The following LRRC37A variants were observed in gnomAD, a reference collection of about 807,000 sequenced individuals.
LRRC37A encodes the protein leucine rich repeat containing 37A, also known as leucine-rich repeat-containing protein 37A.
LRRC37A carries 3 observed loss-of-function variants against 35.4 expected under a neutral mutation model. The ratio of observed to expected loss-of-function variants is 0.08; its 90% CI spans 0.04 to 0.22. The LOEUF (loss-of-function observed/expected upper bound fraction) is 0.22, where lower values mean the gene tolerates loss of function less well. Among genes scored for constraint, LRRC37A ranks in the 10% least tolerant of loss-of-function variants. The pLI is 1.00. For missense variants in LRRC37A, 67 were observed against 565.3 expected (o/e 0.12, Z 8.94); for synonymous variants, 23 against 215.0 (o/e 0.11, Z 7.81).
the LRRC37A span, among the ~76,000 whole-genome samples, chr17:46,264,160 T>TC: frequency 6.6e-6 from 1 of 151,644 alleles, no homozygotes; most frequent in Non-Finnish European, 1.5e-5. Context: ...TTTTTTTTTT[T>TC]TTTGTAGAGA....
the LRRC37A span, among the ~76,000 whole-genome samples, chr17:46,268,271 G>A: frequency 6.6e-6 from 1 of 152,094 alleles, no homozygotes; most frequent in Non-Finnish European, 1.5e-5. Flanking sequence ...TGCCCGCCTC[G>A]GCCTCCCAAA....
chr17:46,259,553 G>GT, the LRRC37A span: 1 of 1,611,384 alleles, frequency 6.2e-7, no homozygotes, highest in African/African-American at 1.3e-5. Flanking sequence ...TGGAGTCACT[G>GT]TTTAACCATG....
At chr17:46,262,440 T>C in the LRRC37A span, among the ~76,000 whole-genome samples, 4 of 152,218 alleles carry the variant, frequency 2.6e-5, no homozygotes, top group African/African-American at 9.7e-5. Flanking sequence ...TTCAAACTCC[T>C]GGGCTCAAGC....
chr17:46,265,267 CTTCTT>C, the LRRC37A span, among the ~76,000 whole-genome samples: 1 of 45,034 alleles, frequency 2.2e-5, no homozygotes, highest in Non-Finnish European at 5.2e-5. Flanking sequence ...TCTTCTTCTT[CTTCTT>C]CTTCTTCTTC....
chr17:46,278,031 C>T, the LRRC37A span, among the ~76,000 whole-genome samples: 7 of 152,050 alleles, frequency 4.6e-5, no homozygotes, highest in Admixed American at 2.0e-4. Context: ...CTGCAACCTC[C>T]GCCTCCCACG....
chr17:46,282,401 C>T, the LRRC37A span, among the ~76,000 whole-genome samples: 15 of 151,700 alleles, frequency 9.9e-5, no homozygotes, highest in African/African-American at 3.6e-4. Flanking sequence ...CCGCACCTGG[C>T]CTCAGTTTTT....
the LRRC37A span, among the ~76,000 whole-genome samples, chr17:46,258,774 GT>G: frequency 0.051 from 5,668 of 110,956 alleles, 1 homozygote; most frequent in Middle Eastern, 0.15. Context: ...GAGTGCAGTT[GT>G]GCAATCTTGG....
chr17:46,254,407 T>C, the LRRC37A span, among the ~76,000 whole-genome samples: 1 of 152,222 alleles, frequency 6.6e-6, no homozygotes, highest in East Asian at 1.9e-4. Context: ...ATTTATTTAT[T>C]TATTTATCTA....
chr17:46,255,008 G>C, the LRRC37A span, among the ~76,000 whole-genome samples: 1 of 149,074 alleles, frequency 6.7e-6, no homozygotes, highest in Non-Finnish European at 1.5e-5. Context: ...GCTAATTTTT[G>C]TATTTTTAGT....
the LRRC37A span, among the ~76,000 whole-genome samples, chr17:46,265,312 CTTCCTCT>C: frequency 5.2e-4 from 49 of 94,842 alleles, no homozygotes; most frequent in East Asian, 0.012. Flanking sequence ...TCTTCTTCTT[CTTCCTCT>C]TCTTCTTTTT....
chr17:46,255,000 T>C, the LRRC37A span, among the ~76,000 whole-genome samples: 1 of 151,136 alleles, frequency 6.6e-6, no homozygotes, highest in Non-Finnish European at 1.5e-5. Context: ...TATGCCCAGC[T>C]AATTTTTGTA....
the LRRC37A span, among the ~76,000 whole-genome samples, chr17:46,253,979 G>A: frequency 6.6e-5 from 10 of 152,280 alleles, no homozygotes; most frequent in Non-Finnish European, 1.2e-4. Flanking sequence ...GGATGCAAGT[G>A]GCCACAGATC....
At chr17:46,292,946 T>G (rs76420695), upstream of LRRC37A, 12 of 4,092 alleles carry the variant, frequency 2.9e-3, 3 homozygotes, top group Admixed American at 0.045. Context: ...CATTTTTATC[T>G]TTTTTTTTTT....
At chr17:46,264,572 G>A in the LRRC37A span, among the ~76,000 whole-genome samples, 1 of 152,244 alleles carries the variant, frequency 6.6e-6, no homozygotes, top group Non-Finnish European at 1.5e-5. Context: ...GCTGACGTGA[G>A]TTGCATTTCT....
the LRRC37A span, among the ~76,000 whole-genome samples, chr17:46,249,266 C>T: frequency 1.3e-5 from 2 of 152,206 alleles, no homozygotes; most frequent in Admixed American, 6.5e-5. Flanking sequence ...TGGTGGCACA[C>T]ACCTGTAATC....
At chr17:46,268,380 A>G in the LRRC37A span, 1 of 789,154 alleles carries the variant, frequency 1.3e-6, no homozygotes, top group Non-Finnish European at 1.7e-6. Context: ...TAGACTAAAT[A>G]TCAGTTTCAA....
chr17:46,279,820 G>C, the LRRC37A span, among the ~76,000 whole-genome samples: 204 of 152,202 alleles, frequency 1.3e-3, no homozygotes, highest in Non-Finnish European at 2.0e-3. Flanking sequence ...ACAACTTTTT[G>C]TTTTTAGTGG....
At chr17:46,281,277 C>G in the LRRC37A span, among the ~76,000 whole-genome samples, 2 of 151,750 alleles carry the variant, frequency 1.3e-5, no homozygotes, top group African/African-American at 2.4e-5. Flanking sequence ...CTGCTAAATT[C>G]CCTGTATCTG....
chr17:46,273,029 G>A, the LRRC37A span, among the ~76,000 whole-genome samples: 1 of 152,032 alleles, frequency 6.6e-6, no homozygotes, highest in Non-Finnish European at 1.5e-5. Context: ...ACATACAAAA[G>A]AATTGCTGTT....
Sources: gnomAD v4.1 joint callset for allele counts (sites outside exome capture counted in the v4.1 genomes callset) on GRCh38, gnomAD v4.1.1 for gene constraint, MANE v1.5 for transcripts, NCBI Gene and HGNC (gene_info 2026-07-23, HGNC 2026-07-21) for gene names.